The following CNTNAP3 variants were observed in gnomAD, a reference collection of about 807,000 sequenced individuals.
CNTNAP3 encodes the protein contactin-associated protein-like 3.
In CNTNAP3, 36 loss-of-function variants were observed where a neutral mutation model predicts 92.1. The observed-to-expected ratio is 0.39, with a 90% CI of 0.30 to 0.52. The LOEUF is 0.52. Among genes scored for constraint, CNTNAP3 ranks in the 20% least tolerant of loss-of-function variants. The pLI, the probability that CNTNAP3 is intolerant of heterozygous loss-of-function variation, is 0.76. For missense variants in CNTNAP3, 534 were observed against 1,069.6 expected, an observed-to-expected ratio of 0.50 and a Z score of 6.98; for synonymous variants, 232 against 422.3, an observed-to-expected ratio of 0.55 and a Z score of 5.53.
In CNTNAP3 at chr9:39,066,898, A is replaced by G. The variant is rs997110915; in HGVS notation, c.*6992T>C. Among the ~76,000 whole-genome samples the G allele has an allele frequency of 6.6e-6, 1 of 152,244 alleles. No homozygotes were observed. Among genetic ancestry groups the G allele is most frequent in the African/African-American group, 2.4e-5 (1 of 41,460 alleles). ...GGTCTGTGGGTTTATAGTTTGCATC[A>G]AATGTGGAAAATGCTTATGTATTAA... On this transcript the variant is annotated 3_prime_UTR_variant, in exon 24 of 24. Coordinates refer to ENST00000297668, the MANE Select transcript of CNTNAP3 (RefSeq NM_033655.5).
rs977879019 is a variant in CNTNAP3 at position 39,134,367 on chromosome 9, C to G, written c.1877-1232G>C. 2.8e-4 allele frequency among the ~76,000 whole-genome samples: 42 copies of G among 151,628 alleles called. 1 individual carries two copies. The highest frequency in any genetic ancestry group is 9.5e-4 in the African/African-American group (39 of 41,022). Reference sequence around the variant, plus strand: ...GCTCTAAGTGTGCCTATGGTAATTTCAATTCCATGGGTTCTTCCTTTAATA... The same window carrying G: ...GCTCTAAGTGTGCCTATGGTAATTTGAATTCCATGGGTTCTTCCTTTAATA... On this transcript the variant is annotated intron_variant, in intron 12 of 23. Coordinates refer to ENST00000297668, the MANE Select transcript of CNTNAP3 (RefSeq NM_033655.5).
At chr9:39,098,021 T>C (rs1826365677) in intron 18 of CNTNAP3, among the ~76,000 whole-genome samples, 1 of 149,650 alleles carries the variant, frequency 6.7e-6, no homozygotes, top group South Asian at 2.1e-4. Context: ...ATTTGCTTTG[T>C]AGGAAGCATG....
At chr9:39,117,181 G>A (rs190322653) in intron 14 of CNTNAP3, among the ~76,000 whole-genome samples, 6 of 152,012 alleles carry the variant, frequency 3.9e-5, no homozygotes, top group African/African-American at 1.2e-4. Flanking sequence ...CAGTGGATAC[G>A]GGGTTTTGCC....
intron 21 of CNTNAP3, among the ~76,000 whole-genome samples, chr9:39,082,734 A>AT (rs1825975880): frequency 6.6e-6 from 1 of 152,282 alleles, no homozygotes; most frequent in African/African-American, 2.4e-5. Context: ...AAATCGGTGG[A>AT]TTCCCCAAAC....
intron 23 of CNTNAP3, among the ~76,000 whole-genome samples, chr9:39,075,686 T>C (rs2118363441): frequency 6.6e-6 from 1 of 152,390 alleles, no homozygotes; most frequent in African/African-American, 2.4e-5. Context: ...CATATATTTA[T>C]CTTCCCACGG....
rs1414351552 is a variant in CNTNAP3 at position 39,177,890 on chromosome 9, ACAGAAAT to A, written c.742+260_742+266del. 1.5e-5 allele frequency among the ~76,000 whole-genome samples: 2 copies of A among 132,974 alleles called. 1 individual carries two copies. Among genetic ancestry groups the A allele is most frequent in the African/African-American group, 6.8e-5 (2 of 29,338 alleles). The allele number at this position is 132,974 out of a possible 152,430, so 87.2% of individuals were successfully genotyped here. On this transcript the variant is annotated intron_variant, in intron 5 of 23. Transcript: ENST00000297668. ...CAGTTTGTCAAAATATATGCTGTTT[ACAGAAAT>A]CATACTTAGGATATGTATGTATTGC...
At chr9:39,161,802 C>T (rs1822079380) in intron 9 of CNTNAP3, among the ~76,000 whole-genome samples, 2 of 112,146 alleles carry the variant, frequency 1.8e-5, no homozygotes, top group Admixed American at 1.7e-4. Context: ...CGTGTCATTG[C>T]ACTCCAGCCT....
intron 9 of CNTNAP3, among the ~76,000 whole-genome samples, chr9:39,152,308 A>C (rs1347382467): frequency 7.8e-6 from 1 of 127,884 alleles, no homozygotes; most frequent in Admixed American, 7.8e-5. Flanking sequence ...CCTCATATTT[A>C]AGGCTTCTTT....
chr9:39,132,957 C>A lies in CNTNAP3; in HGVS notation c.2055G>T (p.Gly685=), dbSNP rs767217792. The A allele has an allele frequency of 1.9e-6, 3 of 1,547,756 alleles. No individual in the cohort carries two copies. Among genetic ancestry groups the A allele is most frequent in the African/African-American group, 2.8e-5 (2 of 71,978 alleles). The stretch of plus-strand genomic sequence containing the variant: ...CTCGTGAGTCCGGGCGCCGCGCCGT[C>A]CCGCAGCGCAGAGCCAGCCGCTGCT... ...RCEQRLALRC[G]TARRPDSRDG... is the part of the protein sequence containing the mutation. Residue 685 remains glycine, a synonymous_variant, in exon 13 of 24, where the codon GGG becomes GGT. Coordinates refer to ENST00000297668, the MANE Select transcript of CNTNAP3 (RefSeq NM_033655.5).
chr9:39,146,367 A>T (rs1485106707), intron 10 of CNTNAP3, among the ~76,000 whole-genome samples: 1 of 152,106 alleles, frequency 6.6e-6, no homozygotes, highest in Non-Finnish European at 1.5e-5. Flanking sequence ...AGAGTACAGC[A>T]GTCTGATGTA....
In CNTNAP3 at chr9:39,068,733, A is replaced by G. The variant is rs1825569488; in HGVS notation, c.*5157T>C. Among the ~76,000 whole-genome samples, 1 of 152,312 alleles carries G rather than the reference A, an allele frequency of 6.6e-6. No individual in the cohort carries two copies. Among genetic ancestry groups the G allele is most frequent in the Non-Finnish European group, 1.5e-5 (1 of 68,058 alleles). ...TCAGCAACAGCTACTCCATTCAGAG[A>G]CTTGCTAGGCTTCCTTAAGCTATCT... is the stretch of plus-strand genomic sequence containing the variant. On this transcript the variant is annotated 3_prime_UTR_variant, in exon 24 of 24. Coordinates refer to ENST00000297668, the MANE Select transcript of CNTNAP3 (RefSeq NM_033655.5).
rs1169584659 is a variant in CNTNAP3, at chr9:39,067,582, G to A, written c.*6308C>T. Among the ~76,000 whole-genome samples the A allele has an allele frequency of 1.3e-5, 2 of 152,312 alleles. No homozygotes were observed. The highest frequency in any genetic ancestry group is 1.3e-4 in the Admixed American group (2 of 15,294). The stretch of plus-strand genomic sequence containing the variant: ...CCGGCTAATTTTTGTATGTTTAGTA[G>A]AGACGGGGTTTCCACCTTGTTAGCA... On this transcript the variant is annotated 3_prime_UTR_variant, in exon 24 of 24. Transcript: ENST00000297668.
At chr9:39,145,239 A>G (rs1449022517) in intron 10 of CNTNAP3, among the ~76,000 whole-genome samples, 3 of 139,228 alleles carry the variant, frequency 2.2e-5, no homozygotes, top group African/African-American at 7.7e-5. Context: ...CCTGAATACC[A>G]TGACCCACCT....
intron 21 of CNTNAP3, chr9:39,085,231 C>T (rs1172309632): frequency 1.3e-5 from 2 of 152,554 alleles, no homozygotes; most frequent in African/African-American, 5.2e-5. Flanking sequence ...ATATGCCTCC[C>T]CATTCCTGTT....
At chr9:39,151,882 T>A (rs1821851409) in intron 9 of CNTNAP3, among the ~76,000 whole-genome samples, 3 of 150,120 alleles carry the variant, frequency 2.0e-5, no homozygotes, top group South Asian at 4.2e-4. Context: ...CTTTTCCCAA[T>A]CATTCAAATA....
chr9:39,149,170 A>G (rs1821777881), intron 10 of CNTNAP3, among the ~76,000 whole-genome samples: 1 of 152,156 alleles, frequency 6.6e-6, no homozygotes, highest in Non-Finnish European at 1.5e-5. Context: ...TAACCTGGCA[A>G]ATTCCTCTGC....
chr9:39,129,396 C>T (rs1821223654), intron 13 of CNTNAP3, among the ~76,000 whole-genome samples: 1 of 152,120 alleles, frequency 6.6e-6, no homozygotes, highest in East Asian at 1.9e-4. Context: ...GCCTTTTCAA[C>T]AAATGGTTCT....
chr9:39,099,829 T>C, intron 18 of CNTNAP3, 82 bp downstream of exon 18: 1 of 1,545,720 alleles, frequency 6.5e-7, no homozygotes, highest in Non-Finnish European at 8.7e-7. Flanking sequence ...CCTCTCTTTA[T>C]AATATCAAAT....
At chr9:39,107,549 A>G (rs1023654988) in intron 15 of CNTNAP3, among the ~76,000 whole-genome samples, 5 of 152,220 alleles carry the variant, frequency 3.3e-5, no homozygotes, top group Non-Finnish European at 7.3e-5. Context: ...GATAAACAGA[A>G]AAGATGATTT....
Sources: allele counts gnomAD v4.1 joint callset (sites outside exome capture counted in the v4.1 genomes callset), GRCh38; gene constraint gnomAD v4.1.1; transcripts MANE v1.5; gene names NCBI Gene and HGNC (gene_info 2026-07-23, HGNC 2026-07-21).